Variants in OSBPL8 observed in about 807,000 individuals in gnomAD.
OSBPL8 encodes the protein oxysterol-binding protein-related protein 8.
A neutral mutation model predicts 125.5 loss-of-function variants in OSBPL8; 59 were observed. That is an observed-to-expected ratio of 0.47 (90% confidence interval 0.38 to 0.58). The LOEUF (loss-of-function observed/expected upper bound fraction) is 0.58, where lower values mean the gene tolerates loss of function less well. Among genes scored for constraint, OSBPL8 ranks in the 20% least tolerant of loss-of-function variants. The pLI, the probability that OSBPL8 is intolerant of heterozygous loss-of-function variation, is 0.00. For synonymous variants in OSBPL8, 330 were observed against 338.9 expected (o/e 0.97, Z 0.29); for missense variants, 758 against 1,047.8 (o/e 0.72, Z 3.82).
At chr12:76,556,927 G>A (rs1951121231) in intron 1 of OSBPL8, among the ~76,000 whole-genome samples, 1 of 152,142 alleles carries the variant, frequency 6.6e-6, no homozygotes, top group African/African-American at 2.4e-5. Context: ...GCCTCCCAAA[G>A]TGCTAGCATT....
rs555423615 is a variant in OSBPL8 at position 76,439,716 on chromosome 12, T to C, written c.217+11135A>G. Among the ~76,000 whole-genome samples the C allele has an allele frequency of 1.6e-4, 24 of 152,302 alleles. No individual in the cohort carries two copies. In the South Asian group the frequency reaches 5.0e-3, roughly 32 times the overall value. On this transcript the variant is annotated intron_variant, in intron 4 of 23. Transcript: ENST00000261183. ...TCACTAGTATTTTCTAATTATGGAG[T>C]CAGTTTTGGGAAATCACCTTTCCAG...
intron 1 of OSBPL8, among the ~76,000 whole-genome samples, chr12:76,497,193 AT>A (rs60754492): frequency 0.12 from 17,324 of 144,584 alleles, 1,039 homozygotes; most frequent in African/African-American, 0.18. Context: ...GAATCAGCAA[AT>A]TTTTTTTTTT....
intron 1 of OSBPL8, among the ~76,000 whole-genome samples, chr12:76,515,455 G>A (rs1052138543): frequency 2.0e-5 from 3 of 152,190 alleles, no homozygotes; most frequent in Admixed American, 6.5e-5. Flanking sequence ...TGTGGACTGC[G>A]ATCCAGCAGG....
At chr12:76,429,476 GA>G (rs112295463) in intron 4 of OSBPL8, among the ~76,000 whole-genome samples, 26,139 of 151,642 alleles carry the variant, frequency 0.17, 2,450 homozygotes, top group Middle Eastern at 0.24. Context: ...AATGTTATAC[GA>G]AATGCTTAGG....
intron 4 of OSBPL8, among the ~76,000 whole-genome samples, chr12:76,427,521 T>C (rs1870290988): frequency 6.6e-6 from 1 of 151,926 alleles, no homozygotes; most frequent in Admixed American, 6.6e-5. Context: ...GAAACACAAA[T>C]ACTCTTTTCT....
chr12:76,463,588 G>A (rs1271193713), intron 2 of OSBPL8, among the ~76,000 whole-genome samples: 1 of 152,026 alleles, frequency 6.6e-6, no homozygotes, highest in East Asian at 1.9e-4. Context: ...AAATGCCATG[G>A]GATAAAAGAA....
chr12:76,364,085 C>G (rs1212345591), intron 21 of OSBPL8, among the ~76,000 whole-genome samples: 1 of 152,158 alleles, frequency 6.6e-6, no homozygotes, highest in Non-Finnish European at 1.5e-5. Context: ...TTGTGGAAGA[C>G]AGTGTGGTGA....
chr12:76,442,976 T>C (rs1341545780), intron 4 of OSBPL8, among the ~76,000 whole-genome samples: 1 of 152,212 alleles, frequency 6.6e-6, no homozygotes, highest in Non-Finnish European at 1.5e-5. Flanking sequence ...CTTATCATAT[T>C]TTTAGTGCTG....
At chr12:76,423,180 A>G (rs183020800) in intron 4 of OSBPL8, 3 of 152,374 alleles carry the variant, frequency 2.0e-5, no homozygotes, top group East Asian at 3.9e-4. Context: ...TTCTAGATTT[A>G]TATCTAATCT....
chr12:76,370,143 A>G (rs1952566056), intron 19 of OSBPL8, among the ~76,000 whole-genome samples: 1 of 152,150 alleles, frequency 6.6e-6, no homozygotes, highest in African/African-American at 2.4e-5. Context: ...AAAGCTCAGG[A>G]ATCTACGCTT....
intron 4 of OSBPL8, among the ~76,000 whole-genome samples, chr12:76,420,487 G>T (rs1380306228): frequency 6.6e-6 from 1 of 151,970 alleles, no homozygotes; most frequent in Non-Finnish European, 1.5e-5. Flanking sequence ...AGGGGCAGGG[G>T]TGTCACATCC....
intron 1 of OSBPL8, among the ~76,000 whole-genome samples, chr12:76,547,796 T>C (rs1039999): frequency 0.8 from 121,632 of 152,158 alleles, 48,878 homozygotes; most frequent in East Asian, 0.92. Flanking sequence ...TCTAAACAGT[T>C]TCATTCAGTT....
rs1388843720 is a variant in OSBPL8, at chr12:76,487,542, C to T, written c.10G>A (p.Gly4Ser). The T allele has an allele frequency of 6.2e-7, 1 of 1,604,562 alleles. No individual in the cohort carries two copies. The highest frequency in any genetic ancestry group is 1.7e-5 in the Admixed American group (1 of 58,224). MEG[G>S]LADGEPDRTS... ...CGATCAGGTTCTCCATCTGCCAAAC[C>T]TCCCTCCATAATGAAAGAAGATAGG... Residue 4 changes from glycine to serine, a missense_variant, in exon 2 of 24, where the codon GGT becomes AGT. Gly to Ser is a moderately conservative substitution (Grantham distance 56). Coordinates refer to ENST00000261183, the MANE Select transcript of OSBPL8 (RefSeq NM_020841.5).
In OSBPL8 at chr12:76,390,633, T is replaced by C. The variant is rs756371372; in HGVS notation, c.954A>G (p.Arg318=). 4 of 1,612,324 alleles carry C rather than the reference T, an allele frequency of 2.5e-6. No individual in the cohort carries two copies. Among genetic ancestry groups the C allele is most frequent in the Non-Finnish European group, 3.4e-6 (4 of 1,178,804 alleles). ...ACATATCTTGGTCCTTAAAATGTTG[T>C]CGTTCAATTTCACTATCATTTAACC... The part of the protein sequence containing the change: ...NFQLNDSEIE[R]QHFKDQDMYS... Residue 318 remains arginine, a synonymous_variant, in exon 11 of 24, where the codon CGA becomes CGG. Coordinates refer to ENST00000261183, the MANE Select transcript of OSBPL8 (RefSeq NM_020841.5).
intron 19 of OSBPL8, 97 bp downstream of exon 19, chr12:76,371,351 A>T: frequency 7.6e-7 from 1 of 1,311,504 alleles, no homozygotes; most frequent in Non-Finnish European, 1.0e-6. Flanking sequence ...TTGCTGAATT[A>T]AGATATGACA....
chr12:76,435,154 ACG>A (rs1491216377), intron 4 of OSBPL8, among the ~76,000 whole-genome samples: 1 of 113,214 alleles, frequency 8.8e-6, no homozygotes, highest in African/African-American at 4.5e-5. Flanking sequence ...GTATATATCT[ACG>A]TGTGTGTGTG....
chr12:76,417,412 T>C (rs1259660360), intron 4 of OSBPL8, among the ~76,000 whole-genome samples: 1 of 152,232 alleles, frequency 6.6e-6, no homozygotes, highest in Non-Finnish European at 1.5e-5. Context: ...GTGGTTAGTA[T>C]CTTTGATCAG....
chr12:76,543,128 C>T (rs1037303618), intron 1 of OSBPL8, among the ~76,000 whole-genome samples: 12 of 151,484 alleles, frequency 7.9e-5, no homozygotes, highest in African/African-American at 2.9e-4. Context: ...CTACCACTTC[C>T]CATACAAAAG....
rs999022294 is a variant in OSBPL8, at chr12:76,378,378, A to C, written c.1729+74T>G. The C allele has an allele frequency of 7.8e-6, 8 of 1,030,338 alleles. No individual in the cohort carries two copies. The African/African-American group carries it at 1.3e-4, about 17-fold the overall frequency. The allele number at this position is 1,030,338 out of a possible 1,614,324, so 63.8% of individuals were successfully genotyped here. A position where few individuals can be genotyped will look rare whatever the true frequency, so the allele number is the denominator to read the frequency against. ...AGTCTGACTCCATCAATCACAAAGC[A>C]TAACAAATCACAGCTACATACATTT... On this transcript the variant is annotated intron_variant, in intron 16 of 23. Coordinates refer to ENST00000261183, the MANE Select transcript of OSBPL8 (RefSeq NM_020841.5).
Sources: allele counts gnomAD v4.1 joint callset (sites outside exome capture counted in the v4.1 genomes callset), GRCh38; gene constraint gnomAD v4.1.1; transcripts MANE v1.5; gene names NCBI Gene and HGNC (gene_info 2026-07-23, HGNC 2026-07-21).